EMCN: variants seen among roughly 807,000 people sequenced by gnomAD.
The protein encoded by EMCN is endomucin, also known as MUC-14.
EMCN carries 37 observed loss-of-function variants against 38.4 expected under a neutral mutation model. The ratio of observed to expected loss-of-function variants is 0.96; its 90% CI spans 0.74 to 1.27. The LOEUF is 1.27. Among genes scored for constraint, EMCN ranks in the 50% most tolerant of loss-of-function variants. The probability of loss-of-function intolerance (pLI) is 0.00; values close to 1 mark genes in which losing one functional copy is unlikely to be tolerated. For missense variants in EMCN, 318 were observed against 302.8 expected, an observed-to-expected ratio of 1.05 and a Z score of -0.37; for synonymous variants, 95 against 100.8, an observed-to-expected ratio of 0.94 and a Z score of 0.35.
intron 5 of EMCN, among the ~76,000 whole-genome samples, chr4:100,434,146 A>G (rs952002905): frequency 1.3e-5 from 2 of 152,118 alleles, no homozygotes; most frequent in South Asian, 2.1e-4. Context: ...AGAAGAAAGG[A>G]AAGAAGTATC....
intron 10 of EMCN, among the ~76,000 whole-genome samples, chr4:100,412,631 C>A (rs1726596234): frequency 6.6e-6 from 1 of 152,140 alleles, no homozygotes; most frequent in Admixed American, 6.6e-5. Context: ...AGATCGCTTA[C>A]TAAAGCTGAG....
rs955113440 is a variant in EMCN at position 100,494,889 on chromosome 4, C to A, written c.65-14850G>T. ...TAAGAACAAAAATATCTAAAACTCACCCTTTGCATTACTGTGATATAAACC... is the reference window on the plus strand; with the variant it reads ...TAAGAACAAAAATATCTAAAACTCAACCTTTGCATTACTGTGATATAAACC... On this transcript the variant is annotated intron_variant, in intron 1 of 11. Transcript: ENST00000296420. 2.6e-5 allele frequency among the ~76,000 whole-genome samples: 4 copies of A among 151,792 alleles called. No homozygotes were observed. In the East Asian group the frequency reaches 7.7e-4, roughly 29 times the overall value.
intron 4 of EMCN, among the ~76,000 whole-genome samples, chr4:100,449,767 C>T (rs1727787331): frequency 6.6e-6 from 1 of 152,046 alleles, no homozygotes; most frequent in Non-Finnish European, 1.5e-5. Context: ...ATAGCTGAGT[C>T]TTCATAAAAC....
At chr4:100,501,765 C>A (rs181920360) in intron 1 of EMCN, among the ~76,000 whole-genome samples, 1 of 151,090 alleles carries the variant, frequency 6.6e-6, no homozygotes, top group East Asian at 1.9e-4. Flanking sequence ...GCTACATTTT[C>A]TTTTTAATTA....
chr4:100,428,968 G>A (rs1261095336), intron 5 of EMCN, among the ~76,000 whole-genome samples: 1 of 152,068 alleles, frequency 6.6e-6, no homozygotes, highest in Non-Finnish European at 1.5e-5. Context: ...CAAAATAGCA[G>A]AGACTATGTT....
intron 4 of EMCN, among the ~76,000 whole-genome samples, chr4:100,456,433 TTC>T (rs1295473821): frequency 1.3e-5 from 2 of 152,208 alleles, no homozygotes; most frequent in Non-Finnish European, 2.9e-5. Flanking sequence ...GTTTGAACCA[TTC>T]TTTTTCCTGC....
intron 1 of EMCN, among the ~76,000 whole-genome samples, chr4:100,480,991 T>G (rs533320346): frequency 1.0e-3 from 158 of 152,228 alleles, no homozygotes; most frequent in Non-Finnish European, 1.8e-3. Flanking sequence ...AGTCCTGTAT[T>G]TTGTTGTTTT....
intron 3 of EMCN, among the ~76,000 whole-genome samples, chr4:100,471,517 A>G (rs1728475994): frequency 6.6e-6 from 1 of 151,970 alleles, no homozygotes; most frequent in Non-Finnish European, 1.5e-5. Context: ...ATATTTAAAG[A>G]GCAATTACCA....
At chr4:100,399,020 TA>T (rs1463810677) in intron 11 of EMCN, among the ~76,000 whole-genome samples, 1 of 152,166 alleles carries the variant, frequency 6.6e-6, no homozygotes, top group Non-Finnish European at 1.5e-5. Flanking sequence ...TGTGAGTAAT[TA>T]AAAAATTTAT....
intron 10 of EMCN, among the ~76,000 whole-genome samples, chr4:100,411,955 T>C (rs1283894394): frequency 6.6e-6 from 1 of 152,188 alleles, no homozygotes; most frequent in Admixed American, 6.5e-5. Context: ...CTGTGGTTTT[T>C]TTTTGTTGTT....
intron 1 of EMCN, among the ~76,000 whole-genome samples, chr4:100,483,974 T>C (rs1433443462): frequency 2.0e-5 from 3 of 152,176 alleles, no homozygotes; most frequent in African/African-American, 7.2e-5. Flanking sequence ...CCAAAGCAGA[T>C]AGCGCTGCTC....
At chr4:100,434,403 A>G (rs1029175564) in intron 5 of EMCN, among the ~76,000 whole-genome samples, 1 of 151,340 alleles carries the variant, frequency 6.6e-6, no homozygotes, top group African/African-American at 2.4e-5. Flanking sequence ...AAAAAAAAAA[A>G]GCCTGGGACT....
intron 1 of EMCN, among the ~76,000 whole-genome samples, chr4:100,512,442 C>G (rs1240882226): frequency 6.6e-6 from 1 of 152,102 alleles, no homozygotes; most frequent in Non-Finnish European, 1.5e-5. Flanking sequence ...CCTAAGCTAA[C>G]AGACCTATAA....
intron 4 of EMCN, among the ~76,000 whole-genome samples, chr4:100,455,559 G>T (rs1727989239): frequency 1.5e-5 from 2 of 137,550 alleles, no homozygotes; most frequent in African/African-American, 2.7e-5. Context: ...ATTGTTTTCT[G>T]GCATGCATTG....
intron 1 of EMCN, among the ~76,000 whole-genome samples, chr4:100,497,326 G>T (rs1729234126): frequency 6.7e-6 from 1 of 149,402 alleles, no homozygotes; most frequent in Admixed American, 6.7e-5. Context: ...GTACAGCATT[G>T]CAAAGGAATA....
chr4:100,461,821 C>A (rs978231235), intron 4 of EMCN, among the ~76,000 whole-genome samples: 1 of 152,132 alleles, frequency 6.6e-6, no homozygotes, highest in African/African-American at 2.4e-5. Context: ...CTGATATTTC[C>A]TATCCAAGGA....
intron 5 of EMCN, among the ~76,000 whole-genome samples, chr4:100,434,769 A>G (rs1727302499): frequency 6.6e-6 from 1 of 152,224 alleles, no homozygotes; most frequent in African/African-American, 2.4e-5. Flanking sequence ...AACTAAAGCC[A>G]AAAACCACAC....
chr4:100,408,827 C>T (rs1182983974), intron 11 of EMCN, among the ~76,000 whole-genome samples: 1 of 152,178 alleles, frequency 6.6e-6, no homozygotes, highest in African/African-American at 2.4e-5. Flanking sequence ...AAGGTGGTTG[C>T]ATTGCAGGCC....
chr4:100,419,759 A>T (rs1176379864), intron 8 of EMCN, among the ~76,000 whole-genome samples: 2 of 152,108 alleles, frequency 1.3e-5, no homozygotes, highest in Non-Finnish European at 2.9e-5. Context: ...CATGTTTCAG[A>T]CATTAAGAAG....
Sources: gnomAD v4.1 joint callset for allele counts (sites outside exome capture counted in the v4.1 genomes callset) on GRCh38, gnomAD v4.1.1 for gene constraint, MANE v1.5 for transcripts, NCBI Gene and HGNC (gene_info 2026-07-23, HGNC 2026-07-21) for gene names.